The following PRKG1 variants were observed in gnomAD, a reference collection of about 807,000 sequenced individuals.
PRKG1 encodes protein kinase cGMP-dependent 1, also known as cGMP-dependent protein kinase 1.
A neutral mutation model predicts 88.1 loss-of-function variants in PRKG1; 35 were observed. That is an observed-to-expected ratio of 0.40 (90% CI 0.30 to 0.53). PRKG1 has a LOEUF of 0.53. PRKG1 is among the 20% of genes least tolerant of loss of function. The probability of loss-of-function intolerance (pLI) is 0.59; values close to 1 mark genes in which losing one functional copy is unlikely to be tolerated. For synonymous variants in PRKG1, 303 were observed against 292.5 expected (o/e 1.04, Z -0.37); for missense variants, 540 against 839.8 (o/e 0.64, Z 4.41).
chr10:52,039,232 GT>G (rs1011849671), intron 5 of PRKG1, among the ~76,000 whole-genome samples: 29 of 152,266 alleles, frequency 1.9e-4, no homozygotes, highest in Middle Eastern at 6.8e-3. Flanking sequence ...GGAGATAGGG[GT>G]GGGGCCATTT....
rs377283037 is a variant in PRKG1 at position 51,803,640 on chromosome 10, T to G, written c.593-945T>G. 4.2e-3 allele frequency among the ~76,000 whole-genome samples: 638 copies of G among 152,296 alleles called. 7 individuals are homozygous for G. The highest frequency in any genetic ancestry group is 5.6e-3 in the Non-Finnish European group (384 of 68,022). ...TTGCGCTCTTCTGTCTTTCTATGTT[T>G]GGCTCAATTAACTATATCCTGGCCC... On this transcript the variant is annotated intron_variant, in intron 3 of 17. Transcript: ENST00000373980.
intron 1 of PRKG1, among the ~76,000 whole-genome samples, chr10:51,012,846 G>C (rs542327965): frequency 6.6e-6 from 1 of 152,368 alleles, no homozygotes; most frequent in East Asian, 1.9e-4. Flanking sequence ...TAAATGGTAT[G>C]GTTGGAGATA....
intron 14 of PRKG1, among the ~76,000 whole-genome samples, chr10:52,285,527 A>G (rs1033705552): frequency 2.6e-5 from 4 of 152,130 alleles, no homozygotes; most frequent in African/African-American, 9.7e-5. Flanking sequence ...CTACCTCTGG[A>G]AAGTGCTTTT....
At chr10:52,000,765 G>A (rs1210954316) in intron 5 of PRKG1, among the ~76,000 whole-genome samples, 1 of 151,910 alleles carries the variant, frequency 6.6e-6, no homozygotes, top group Non-Finnish European at 1.5e-5. Context: ...CATTGAATTA[G>A]TAAGCAAAAA....
At chr10:52,188,981 TAAAATC>T (rs1233440159) in intron 9 of PRKG1, among the ~76,000 whole-genome samples, 2 of 152,198 alleles carry the variant, frequency 1.3e-5, no homozygotes, top group African/African-American at 4.8e-5. Flanking sequence ...TTTAGAAACT[TAAAATC>T]TAATAAGAAA....
chr10:50,999,565 C>G (rs1219966614), intron 1 of PRKG1, among the ~76,000 whole-genome samples: 4 of 152,054 alleles, frequency 2.6e-5, no homozygotes, highest in Non-Finnish European at 4.4e-5. Context: ...GTACTCTGAC[C>G]TCAAATGCTG....
chr10:51,837,057 G>A (rs531776403), intron 4 of PRKG1, among the ~76,000 whole-genome samples: 2 of 152,286 alleles, frequency 1.3e-5, no homozygotes, highest in South Asian at 2.1e-4. Context: ...TACTGGAAAA[G>A]TATTGAGAAA....
intron 3 of PRKG1, among the ~76,000 whole-genome samples, chr10:51,469,608 A>C (rs1839995825): frequency 6.6e-6 from 1 of 151,908 alleles, no homozygotes; most frequent in Non-Finnish European, 1.5e-5. Flanking sequence ...ATTTAAATAG[A>C]CACTGTGAAT....
At chr10:51,320,899 C>T (rs1481539670) in intron 2 of PRKG1, among the ~76,000 whole-genome samples, 1 of 152,056 alleles carries the variant, frequency 6.6e-6, no homozygotes, top group East Asian at 1.9e-4. Context: ...ATTCTAAGTA[C>T]CTTCAGGTAC....
chr10:52,265,062 C>T (rs375201233), intron 10 of PRKG1, among the ~76,000 whole-genome samples: 13 of 152,100 alleles, frequency 8.5e-5, no homozygotes, highest in East Asian at 1.9e-4. Context: ...ATGCATATTA[C>T]GTCAAATTGC....
At chr10:51,872,205 A>G in intron 4 of PRKG1, among the ~76,000 whole-genome samples, 1 of 152,188 alleles carries the variant, frequency 6.6e-6, no homozygotes, top group East Asian at 1.9e-4. Context: ...GGACTATCAG[A>G]TTCACATCCC....
chr10:51,441,080 G>A (rs1158108221), intron 2 of PRKG1, among the ~76,000 whole-genome samples: 1 of 151,892 alleles, frequency 6.6e-6, no homozygotes, highest in African/African-American at 2.4e-5. Context: ...TTGAGTGCCT[G>A]GGTCCTTCCA....
At chr10:51,657,645 T>C (rs1369796154) in intron 3 of PRKG1, among the ~76,000 whole-genome samples, 1 of 152,210 alleles carries the variant, frequency 6.6e-6, no homozygotes, top group Non-Finnish European at 1.5e-5. Context: ...TTGAGAATTA[T>C]GGCCCATTCT....
chr10:51,389,024 T>C (rs1837327718), intron 2 of PRKG1, among the ~76,000 whole-genome samples: 1 of 152,216 alleles, frequency 6.6e-6, no homozygotes, highest in Admixed American at 6.5e-5. Context: ...TCTGTCTATC[T>C]AGGTAATGCT....
intron 5 of PRKG1, among the ~76,000 whole-genome samples, chr10:52,040,327 A>T (rs1845724602): frequency 6.6e-6 from 1 of 152,298 alleles, no homozygotes; most frequent in African/African-American, 2.4e-5. Flanking sequence ...TGAAACACTA[A>T]ATTGTGTGAT....
At chr10:52,106,705 AAATAATAAT>A (rs57109678) in intron 7 of PRKG1, among the ~76,000 whole-genome samples, 20,439 of 139,924 alleles carry the variant, frequency 0.15, 1,749 homozygotes, top group South Asian at 0.27. Flanking sequence ...CTCTGTCCCA[AAATAATAAT>A]AATAATAATA....
chr10:51,750,374 C>G (rs1195696751), intron 3 of PRKG1, among the ~76,000 whole-genome samples: 2 of 152,106 alleles, frequency 1.3e-5, no homozygotes, highest in Non-Finnish European at 2.9e-5. Flanking sequence ...ACAGACATAA[C>G]AGAGATGAAC....
chr10:52,253,717 G>T (rs1841239655), intron 10 of PRKG1, among the ~76,000 whole-genome samples: 1 of 151,592 alleles, frequency 6.6e-6, no homozygotes, highest in South Asian at 2.1e-4. Flanking sequence ...TACTCTTTTA[G>T]ACAGATGTTT....
intron 2 of PRKG1, among the ~76,000 whole-genome samples, chr10:51,459,259 G>C (rs977517547): frequency 2.6e-5 from 4 of 152,070 alleles, no homozygotes; most frequent in Non-Finnish European, 5.9e-5. Context: ...CTAAGAATTT[G>C]GAGAGAGGGG....
Sources: gnomAD v4.1 joint callset for allele counts (sites outside exome capture counted in the v4.1 genomes callset) on GRCh38, gnomAD v4.1.1 for gene constraint, MANE v1.5 for transcripts, NCBI Gene and HGNC (gene_info 2026-07-23, HGNC 2026-07-21) for gene names.